Variants in TPM3 observed in about 807,000 individuals in gnomAD.
The protein encoded by TPM3 is tropomyosin 3.
Under a neutral mutation model 43.1 loss-of-function variants are expected in TPM3, and 16 were observed. The ratio of observed to expected loss-of-function variants is 0.37; its 90% CI spans 0.25 to 0.56. The LOEUF (loss-of-function observed/expected upper bound fraction) is 0.56, where lower values mean the gene tolerates loss of function less well. Among genes scored for constraint, TPM3 ranks in the 20% least tolerant of loss-of-function variants. The probability of loss-of-function intolerance (pLI) is 0.77; values close to 1 mark genes in which losing one functional copy is unlikely to be tolerated. For missense variants in TPM3, 176 were observed against 337.2 expected (o/e 0.52, Z 3.74); for synonymous variants, 101 against 116.9 (o/e 0.86, Z 0.88).
At position 154,167,586 on chromosome 1, in the gene TPM3, T is replaced by A; in HGVS notation, c.*351A>T. ...TCTGGTAGAATCAGATCAGCTGAGT[T>A]TAAATGTCAAGAAAAAATAGACACA... On this transcript the variant is annotated 3_prime_UTR_variant, in exon 10 of 10. Transcript: ENST00000651641. 3 of 1,204,524 alleles carry A rather than the reference T, an allele frequency of 2.5e-6. No homozygotes were observed. The South Asian group carries it at 7.1e-5, about 29-fold the overall frequency. The allele number at this position is 1,204,524 out of a possible 1,614,324, so 74.6% of individuals were successfully genotyped here. A position where few individuals can be genotyped will look rare whatever the true frequency, so the allele number is the denominator to read the frequency against.
chr1:154,181,183 C>T (rs1278283207), intron 2 of TPM3, among the ~76,000 whole-genome samples: 2 of 152,162 alleles, frequency 1.3e-5, no homozygotes, highest in Non-Finnish European at 2.9e-5. Flanking sequence ...GGAAAAAAAT[C>T]TACCTAGAAA....
chr1:154,170,032 T>G (rs574883041), intron 8 of TPM3: 115 of 290,738 alleles, frequency 4.0e-4, no homozygotes, highest in Non-Finnish European at 2.0e-5. Context: ...AAAAGAACTG[T>G]GGAAAGTAGC....
At chr1:154,183,326 G>C (rs897895046) in intron 2 of TPM3, 4 of 1,462,712 alleles carry the variant, frequency 2.7e-6, no homozygotes, top group Admixed American at 4.3e-5. Context: ...GCAGGGAGTG[G>C]ATCCTCCCAG....
In TPM3 at chr1:154,165,729, C is replaced by T. The variant is rs1187288676; in HGVS notation, c.*2208G>A. Among the ~76,000 whole-genome samples, 1 of 143,162 alleles carries T rather than the reference C, an allele frequency of 7.0e-6. No individual in the cohort carries two copies. The highest frequency in any genetic ancestry group is 1.5e-5 in the Non-Finnish European group (1 of 67,012). The allele number at this position is 143,162 out of a possible 152,430, so 93.9% of individuals were successfully genotyped here. A position where few individuals can be genotyped will look rare whatever the true frequency, so the allele number is the denominator to read the frequency against. ...GCTTGAACCCAGGAGGCAGAGGTTGCAGTGAGCTGAGATCAGGCCACTGAA... is the reference window on the plus strand; with the variant it reads ...GCTTGAACCCAGGAGGCAGAGGTTGTAGTGAGCTGAGATCAGGCCACTGAA... On this transcript the variant is annotated 3_prime_UTR_variant, in exon 10 of 10. Coordinates refer to ENST00000651641, the MANE Select transcript of TPM3 (RefSeq NM_152263.4).
Position 154,167,797 on chromosome 1 carries a change from T to A in TPM3, c.*140A>T. 6.3e-7 allele frequency: 1 copy of A among 1,579,410 alleles called. No individual in the cohort carries two copies. Among genetic ancestry groups the A allele is most frequent in the Non-Finnish European group, 8.6e-7 (1 of 1,161,918 alleles). On this transcript the variant is annotated 3_prime_UTR_variant, in exon 10 of 10. Coordinates refer to ENST00000651641, the MANE Select transcript of TPM3 (RefSeq NM_152263.4). ...TGGGGTGGGGGTGGAAGAAAATACA[T>A]AAGTTGCTTTTTGCTCCCCCATCCT...
intron 3 of TPM3, among the ~76,000 whole-genome samples, chr1:154,175,860 A>G (rs1662244255): frequency 6.6e-6 from 1 of 152,162 alleles, no homozygotes; most frequent in South Asian, 2.1e-4. Flanking sequence ...TTAGTATTTT[A>G]TTTTTATTGA....
rs1661814480 is a variant in TPM3, at chr1:154,173,295, A to G, written c.378-94T>C. 4.0e-6 allele frequency: 4 copies of G among 991,970 alleles called. No individual in the cohort carries two copies. The Admixed American group carries it at 6.9e-5, about 17-fold the overall frequency. 61.4% of individuals were successfully genotyped at this position (991,970 alleles called of 1,614,324 possible). A position where few individuals can be genotyped will look rare whatever the true frequency, so the allele number is the denominator to read the frequency against. ...CTCAGAACTGTACTTTTAAAAGCCC[A>G]CTCCTCTCTGTCTGCCCCTCAAATG... On this transcript the variant is annotated intron_variant, in intron 3 of 9. Transcript: ENST00000651641.
downstream of TPM3, among the ~76,000 whole-genome samples, chr1:154,159,327 ATATT>A (rs1660121313): frequency 6.6e-6 from 1 of 152,212 alleles, no homozygotes; most frequent in Non-Finnish European, 1.5e-5. Context: ...TTCCTTCACA[ATATT>A]TATTCCCTGG....
Position 154,167,757 on chromosome 1 carries a change from C to T in TPM3, c.*180G>A. On this transcript the variant is annotated 3_prime_UTR_variant, in exon 10 of 10. Coordinates refer to ENST00000651641, the MANE Select transcript of TPM3 (RefSeq NM_152263.4). ...CAGGGTGGCATGAGGTTTCCAGCAG[C>T]TTAACATTTTAATTTGGGGTGGGGG... The T allele has an allele frequency of 6.7e-7, 1 of 1,494,752 alleles. No individual in the cohort carries two copies. Among genetic ancestry groups the T allele is most frequent in the South Asian group, 1.3e-5 (1 of 76,702 alleles). The allele number at this position is 1,494,752 out of a possible 1,614,324, so 92.6% of individuals were successfully genotyped here. A position where few individuals can be genotyped will look rare whatever the true frequency, so the allele number is the denominator to read the frequency against.
At chr1:154,175,221 C>T (rs1662160593) in intron 3 of TPM3, among the ~76,000 whole-genome samples, 1 of 150,340 alleles carries the variant, frequency 6.7e-6, no homozygotes, top group Non-Finnish European at 1.5e-5. Flanking sequence ...GTCCCAGCTA[C>T]TTGGGAGGCT....
chr1:154,156,674 T>C (rs1659837191), downstream of TPM3: 1 of 194,346 alleles, frequency 5.1e-6, no homozygotes, highest in African/African-American at 2.3e-5. Flanking sequence ...CAAAATAATA[T>C]AAAATTTAAA....
chr1:154,181,577 T>C (rs552677380), intron 2 of TPM3, among the ~76,000 whole-genome samples: 15 of 152,188 alleles, frequency 9.9e-5, no homozygotes, highest in Non-Finnish European at 2.1e-4. Context: ...ATCTTATGGC[T>C]TACACTAAAA....
chr1:154,172,313 T>C (rs1274249336), intron 5 of TPM3: 2 of 714,660 alleles, frequency 2.8e-6, no homozygotes, highest in Admixed American at 4.0e-5. Context: ...GCACTGACTT[T>C]GTTAATCAAG....
At chr1:154,187,451 G>A in intron 2 of TPM3, 1 of 984,630 alleles carries the variant, frequency 1.0e-6, no homozygotes, top group Non-Finnish European at 1.2e-6. Flanking sequence ...AGCTAACAAA[G>A]GGGAGAGGGG....
At chr1:154,178,532 G>A (rs998127470) in intron 2 of TPM3, among the ~76,000 whole-genome samples, 2 of 152,198 alleles carry the variant, frequency 1.3e-5, no homozygotes, top group African/African-American at 2.4e-5. Flanking sequence ...GCAGAATCAA[G>A]ATCTGATACT....
At chr1:154,182,604 A>C (rs1413215480) in intron 2 of TPM3, among the ~76,000 whole-genome samples, 1 of 152,050 alleles carries the variant, frequency 6.6e-6, no homozygotes, top group Non-Finnish European at 1.5e-5. Flanking sequence ...CCCCTTGGGC[A>C]GGAAACCTCA....
Position 154,164,469 on chromosome 1 carries a change from A to T in TPM3, c.*3468T>A, listed in dbSNP as rs1387067428. Reference sequence around the variant, plus strand: ...GCCACTGCACCCGGCTAATTCTCCTACTCTAAAAACCAGTCATCCTTGTCT... The same window carrying T: ...GCCACTGCACCCGGCTAATTCTCCTTCTCTAAAAACCAGTCATCCTTGTCT... On this transcript the variant is annotated 3_prime_UTR_variant, in exon 10 of 10. Coordinates refer to ENST00000651641, the MANE Select transcript of TPM3 (RefSeq NM_152263.4). Among the ~76,000 whole-genome samples, 23 of 151,942 alleles carry T rather than the reference A, an allele frequency of 1.5e-4. No individual in the cohort carries two copies. Among genetic ancestry groups the T allele is most frequent in the Admixed American group, 1.5e-3 (23 of 15,260 alleles).
At chr1:154,183,241 G>T in intron 2 of TPM3, 1 of 1,536,692 alleles carries the variant, frequency 6.5e-7, no homozygotes, top group Non-Finnish European at 8.7e-7. Flanking sequence ...CAACCCGCCC[G>T]GATGTGACGT....
rs1354303468 is a variant in TPM3 at position 154,173,063 on chromosome 1, G to A, written c.495+21C>T. ...CTTTGTAAAAGGCCGATACGAGAGG[G>A]ACTAACAGAAGGTCACTTACCTCTT... On this transcript the variant is annotated intron_variant, in intron 4 of 9. Transcript: ENST00000651641. 6 of 1,613,484 alleles carry A rather than the reference G, an allele frequency of 3.7e-6. No individual in the cohort carries two copies. The East Asian group carries it at 1.3e-4, about 36-fold the overall frequency.
Sources: allele counts gnomAD v4.1 joint callset (sites outside exome capture counted in the v4.1 genomes callset), GRCh38; gene constraint gnomAD v4.1.1; transcripts MANE v1.5; gene names NCBI Gene and HGNC (gene_info 2026-07-23, HGNC 2026-07-21).